The following CASP5 variants were observed in gnomAD, a reference collection of about 807,000 sequenced individuals.
CASP5 encodes caspase-5.
A neutral mutation model predicts 45.2 loss-of-function variants in CASP5; 42 were observed. The observed-to-expected ratio is 0.93, with a 90% CI of 0.73 to 1.20. The LOEUF (loss-of-function observed/expected upper bound fraction) is 1.20, where lower values mean the gene tolerates loss of function less well. Ranked by LOEUF, CASP5 falls within the 50% of genes most tolerant of loss-of-function variation. The pLI is 0.00. For missense variants in CASP5, 512 were observed against 532.2 expected (o/e 0.96, Z 0.37); for synonymous variants, 209 against 186.2 (o/e 1.12, Z -1.00).
chr11:105,020,066 T>C (rs1862866026), intron 1 of CASP5, among the ~76,000 whole-genome samples: 1 of 145,648 alleles, frequency 6.9e-6, no homozygotes, highest in African/African-American at 2.5e-5. Flanking sequence ...CACGTGATTA[T>C]CTCAATAGAT....
At chr11:105,004,334 A>G (rs1861897178) in intron 3 of CASP5, among the ~76,000 whole-genome samples, 1 of 152,164 alleles carries the variant, frequency 6.6e-6, no homozygotes, top group African/African-American at 2.4e-5. Flanking sequence ...TCTGTTTTGG[A>G]TAAGTTTGCT....
intron 1 of CASP5, among the ~76,000 whole-genome samples, chr11:105,019,242 G>A (rs11501396): frequency 1.9e-4 from 29 of 150,218 alleles, no homozygotes; most frequent in South Asian, 6.4e-4. Context: ...CACAATTAAA[G>A]GAACTAGAAA....
At chr11:104,995,959 C>A in intron 8 of CASP5, 117 bp from the exon 9 acceptor site, 1 of 630,786 alleles carries the variant, frequency 1.6e-6, no homozygotes, top group East Asian at 2.7e-5. Context: ...TAGGACCAAG[C>A]CCATGGATAT....
At chr11:105,019,887 C>G (rs1450875980) in intron 1 of CASP5, among the ~76,000 whole-genome samples, 2 of 145,778 alleles carry the variant, frequency 1.4e-5, no homozygotes, top group African/African-American at 2.5e-5. Context: ...CCTTGATGAA[C>G]ATTGATGCAA....
At chr11:105,011,559 C>T (rs892270492) in intron 1 of CASP5, among the ~76,000 whole-genome samples, 10 of 151,626 alleles carry the variant, frequency 6.6e-5, no homozygotes, top group African/African-American at 2.4e-4. Flanking sequence ...ACCCTAAATG[C>T]TCCATGAAAA....
Position 105,000,964 on chromosome 11 carries a change from G to A in CASP5, c.718-469C>T, listed in dbSNP as rs549192035. ...CACACTGATCTGTTGTGCCTCACAT[G>A]TGCCAGTTTCATTTTCAGCTCAGCT... On this transcript the variant is annotated intron_variant, in intron 5 of 9. Transcript: ENST00000260315. Among the ~76,000 whole-genome samples the A allele has an allele frequency of 1.5e-3, 221 of 152,210 alleles. 4 individuals are homozygous for A. The South Asian group carries it at 0.043, about 30-fold the overall frequency.
At chr11:105,003,183 G>A (rs538564702) in intron 4 of CASP5, 91 bp downstream of exon 4, 1 of 838,922 alleles carries the variant, frequency 1.2e-6, no homozygotes, top group Non-Finnish European at 2.0e-6. Context: ...CTGGGCAACA[G>A]AGCAAGACCC....
chr11:105,014,321 G>C (rs976260887), intron 1 of CASP5, among the ~76,000 whole-genome samples: 2 of 151,078 alleles, frequency 1.3e-5, no homozygotes, highest in Non-Finnish European at 2.9e-5. Flanking sequence ...GCAATCCTCT[G>C]ATTCTCTGAG....
chr11:105,002,275 CTT>C, intron 4 of CASP5, 74 bp from the exon 5 acceptor site: 2 of 1,402,936 alleles, frequency 1.4e-6, no homozygotes, highest in Non-Finnish European at 2.0e-6. Context: ...CACAATTTTG[CTT>C]TTTTAAGACC....
chr11:105,007,528 T>G (rs1862071092), intron 2 of CASP5, among the ~76,000 whole-genome samples, 194 bp from the exon 3 acceptor site: 1 of 152,156 alleles, frequency 6.6e-6, no homozygotes, highest in Admixed American at 6.6e-5. Context: ...AGACTGTGCT[T>G]AGCAATTCAT....
intron 1 of CASP5, among the ~76,000 whole-genome samples, chr11:105,009,720 CATATATATA>C (rs1862181387): frequency 1.6e-5 from 1 of 64,088 alleles, no homozygotes; most frequent in Non-Finnish European, 3.2e-5. Flanking sequence ...TATATACACA[CATATATATA>C]TATATATATA....
intron 1 of CASP5, among the ~76,000 whole-genome samples, chr11:105,009,771 G>A (rs867197614): frequency 0.014 from 1,215 of 87,522 alleles, 3 homozygotes; most frequent in South Asian, 0.018. Flanking sequence ...ACACACACAC[G>A]TATATATATA....
At chr11:105,011,638 T>A (rs182817330) in intron 1 of CASP5, among the ~76,000 whole-genome samples, 1 of 151,834 alleles carries the variant, frequency 6.6e-6, no homozygotes, top group Non-Finnish European at 1.5e-5. Context: ...AAAATTAGTA[T>A]CATTTTTATA....
At chr11:105,015,752 C>T (rs200950748) in intron 1 of CASP5, among the ~76,000 whole-genome samples, 1 of 136,964 alleles carries the variant, frequency 7.3e-6, no homozygotes, top group East Asian at 2.3e-4. Context: ...ATAAAATAGA[C>T]AAAAAAAAAA....
rs200038316 is a variant in CASP5, at chr11:104,998,992, G to T, written c.989C>A (p.Ala330Glu). Residue 330 changes from alanine (A) to glutamate (E), a missense_variant, in exon 7 of 10, where the codon GCA (alanine) becomes GAA (glutamate). Physicochemically the swap from Ala to Glu is moderately radical, Grantham distance 107. Transcript: ENST00000260315. The part of the protein sequence containing the change: ...HGELWVRDSP[A>E]SLALISSQSS... ...CTGTGAAGAGATGAGTGCCAAGGAT[G>T]CTGGAGAGTCTCTGACCCAGAGTTC... 6.2e-7 allele frequency: 1 copy of T among 1,613,202 alleles called. No individual in the cohort carries two copies. Among genetic ancestry groups the T allele is most frequent in the South Asian group, 1.1e-5 (1 of 90,886 alleles).
Position 105,007,274 on chromosome 11 carries a change from T to C in CASP5, c.242A>G (p.His81Arg), listed in dbSNP as rs754876585. The change falls in exon 3 of 10, where the codon CAT becomes CGT. Residue 81 changes from histidine (H) to arginine (R), a missense_variant. By Grantham distance (29) the His-to-Arg change is conservative. Transcript: ENST00000260315. ...MLEYLGKDVLHGVFNYLAKHD... is the reference protein window; with the variant it reads ...MLEYLGKDVLRGVFNYLAKHD... The stretch of plus-strand genomic sequence containing the variant: ...TTTTGCCAAATAATTAAAAACACCA[T>C]GAAGAACATCTTTGCCCAGGTATTC... 2.2e-5 allele frequency: 35 copies of C among 1,611,452 alleles called. 1 individual carries two copies. The South Asian group carries it at 3.5e-4, about 16-fold the overall frequency.
intron 1 of CASP5, among the ~76,000 whole-genome samples, chr11:105,010,604 CAAT>C: frequency 6.6e-6 from 1 of 151,094 alleles, no homozygotes; most frequent in Admixed American, 6.6e-5. Flanking sequence ...TGGACTCTCA[CAAT>C]AAACCAGTAG....
At chr11:104,995,627 A>T in intron 9 of CASP5, 113 bp downstream of exon 9, 2 of 640,174 alleles carry the variant, frequency 3.1e-6, no homozygotes, top group Non-Finnish European at 5.6e-6. Flanking sequence ...AGACTACATC[A>T]ATAAAGAACA....
At chr11:105,019,484 A>G (rs923962069) in intron 1 of CASP5, among the ~76,000 whole-genome samples, 3 of 150,910 alleles carry the variant, frequency 2.0e-5, no homozygotes, top group Non-Finnish European at 4.4e-5. Flanking sequence ...ATCACCACCG[A>G]TCCCACAGAA....
Sources: allele counts gnomAD v4.1 joint callset (sites outside exome capture counted in the v4.1 genomes callset), GRCh38; gene constraint gnomAD v4.1.1; transcripts MANE v1.5; gene names NCBI Gene and HGNC (gene_info 2026-07-23, HGNC 2026-07-21).